The following LAMB1 variants were observed in gnomAD, a reference collection of about 807,000 sequenced individuals.
The protein encoded by LAMB1 is laminin subunit beta 1.
LAMB1 carries 121 observed loss-of-function variants against 222.3 expected under a neutral mutation model. The observed-to-expected ratio is 0.54, with a 90% CI of 0.47 to 0.63. The LOEUF (loss-of-function observed/expected upper bound fraction) is 0.63, where lower values mean the gene tolerates loss of function less well. Ranked by LOEUF, LAMB1 falls within the 30% of genes least tolerant of loss-of-function variation. The pLI is 0.00. For missense variants in LAMB1, 2,172 were observed against 2,240.8 expected, an observed-to-expected ratio of 0.97 and a Z score of 0.62; for synonymous variants, 794 against 807.2, an observed-to-expected ratio of 0.98 and a Z score of 0.28.
At chr7:108,001,821 G>A in intron 2 of LAMB1, 88 bp from the exon 3 acceptor site, 1 of 1,564,746 alleles carries the variant, frequency 6.4e-7, no homozygotes, top group Non-Finnish European at 8.7e-7. Context: ...GGGGGAGTGG[G>A]TGCGGAGAGA....
intron 9 of LAMB1, 98 bp downstream of exon 9, chr7:107,977,949 T>C (rs1420714231): frequency 1.4e-6 from 2 of 1,386,944 alleles, no homozygotes; most frequent in Admixed American, 3.8e-5. Flanking sequence ...GTAACTTTTC[T>C]ACCCTCTGCA....
In LAMB1 at chr7:107,952,093, G is replaced by A; in HGVS notation, c.3210C>T (p.Pro1070=). The A allele has an allele frequency of 6.2e-7, 1 of 1,614,090 alleles. No individual in the cohort carries two copies. Among genetic ancestry groups the A allele is most frequent in the Non-Finnish European group, 8.5e-7 (1 of 1,179,982 alleles). ...TGCCACTGGCCAGCTGCCAGGTATT[G>A]GGCGCACAGCGGTCACAGTTCTGCC... ...VIGQNCDRCA[P]NTWQLASGTG... is the part of the protein sequence containing the mutation. Residue 1070 remains proline, a synonymous_variant, in exon 23 of 34, where the codon CCC becomes CCT. Transcript: ENST00000222399.
In LAMB1 at chr7:108,001,796, C is replaced by A. The variant is rs1345914666; in HGVS notation, c.38-63G>T. On this transcript the variant is annotated intron_variant, in intron 2 of 33. Coordinates refer to ENST00000222399, the MANE Select transcript of LAMB1 (RefSeq NM_002291.3). ...AGCAGGGAGTGGAGCCCGAAAAAAA[C>A]GAACAAGCGGGGGCGGGGGAGTGGG... is the stretch of plus-strand genomic sequence containing the variant. The A allele has an allele frequency of 1.9e-6, 3 of 1,588,568 alleles. No homozygotes were observed. The African/African-American group carries it at 4.0e-5, about 21-fold the overall frequency.
intron 5 of LAMB1, among the ~76,000 whole-genome samples, chr7:107,986,784 A>C (rs1204192080): frequency 6.6e-6 from 1 of 152,230 alleles, no homozygotes; most frequent in Non-Finnish European, 1.5e-5. Context: ...TATATGTTGT[A>C]TATGTTATAC....
intron 17 of LAMB1, 38 bp downstream of exon 17, chr7:107,961,168 G>A: frequency 6.2e-7 from 1 of 1,613,216 alleles, no homozygotes; most frequent in Non-Finnish European, 8.5e-7. Flanking sequence ...TTTCCGCCCA[G>A]GCTTTCCTGC....
intron 5 of LAMB1, among the ~76,000 whole-genome samples, chr7:107,987,130 T>C (rs904708403): frequency 6.6e-6 from 1 of 152,186 alleles, no homozygotes; most frequent in Non-Finnish European, 1.5e-5. Flanking sequence ...TAAAGAGGAA[T>C]GAAATGCCAA....
Position 107,932,223 on chromosome 7 carries a change from T to A in LAMB1, c.4343A>T (p.Asp1448Val). 3 of 1,614,240 alleles carry A rather than the reference T, an allele frequency of 1.9e-6. No homozygotes were observed. Residue 1448 changes from aspartate (D) to valine (V), a missense_variant, in exon 28 of 34, where the codon GAC becomes GTC. Asp to Val is a radical substitution (Grantham distance 152). Transcript: ENST00000222399. Reference sequence around the variant, plus strand: ...AGCCAGGGCACTCAGGACATCTTGGTCCAAGTCCATGGCTTTCTGCCAGGC... The same window carrying A: ...AGCCAGGGCACTCAGGACATCTTGGACCAAGTCCATGGCTTTCTGCCAGGC... ...HNAWQKAMDLDQDVLSALAEV... is the reference protein window; with the variant it reads ...HNAWQKAMDLVQDVLSALAEV...
rs1207253854 is a variant in LAMB1, at chr7:107,961,449, G to A, written c.1985+100C>T. The A allele has an allele frequency of 2.3e-5, 36 of 1,571,998 alleles. 1 individual carries two copies. Among genetic ancestry groups the A allele is most frequent in the South Asian group, 5.8e-5 (5 of 85,868 alleles). On this transcript the variant is annotated intron_variant, in intron 16 of 33. Transcript: ENST00000222399. ...CAAAGGAAAAAAGTCAGCAGTCAAC[G>A]TCTGGCTCTGAAATGGTGACTTGAA...
At chr7:107,942,907 C>T (rs966198636) in intron 24 of LAMB1, among the ~76,000 whole-genome samples, 19 of 152,140 alleles carry the variant, frequency 1.2e-4, no homozygotes, top group African/African-American at 4.1e-4. Flanking sequence ...ATATTAATTC[C>T]TCAACCTTTA....
At chr7:107,988,642 C>A (rs929946804) in intron 5 of LAMB1, among the ~76,000 whole-genome samples, 10 of 152,150 alleles carry the variant, frequency 6.6e-5, no homozygotes, top group African/African-American at 2.4e-4. Flanking sequence ...CTCCATACTT[C>A]AGGTCACTAG....
At chr7:107,996,709 G>A (rs765094250) in intron 4 of LAMB1, among the ~76,000 whole-genome samples, 5 of 152,146 alleles carry the variant, frequency 3.3e-5, no homozygotes, top group Non-Finnish European at 5.9e-5. Context: ...GAGATTCAAA[G>A]TTGTAGAAGT....
chr7:107,928,651 C>T (rs1039629842), intron 31 of LAMB1, among the ~76,000 whole-genome samples: 1 of 152,174 alleles, frequency 6.6e-6, no homozygotes, highest in Non-Finnish European at 1.5e-5. Flanking sequence ...CACCACTATG[C>T]CCAGCTAACT....
In LAMB1 at chr7:107,961,680, G is replaced by A; in HGVS notation, c.1858-4C>T. On this transcript the variant is annotated splice_region_variant and splice_polypyrimidine_tract_variant and intron_variant, in intron 15 of 33. Transcript: ENST00000222399. ...CTTTTTCCCAGTGGTCGGGTAGCTA[G>A]AATAAGAAACAAACAATGAAAAGAT... 6.2e-7 allele frequency: 1 copy of A among 1,612,390 alleles called. No individual in the cohort carries two copies. The highest frequency in any genetic ancestry group is 8.5e-7 in the Non-Finnish European group (1 of 1,178,632).
intron 15 of LAMB1, 82 bp from the exon 16 acceptor site, chr7:107,961,758 G>T (rs570536543): frequency 1.4e-6 from 2 of 1,446,186 alleles, no homozygotes; most frequent in East Asian, 4.8e-5. Context: ...TCAATCAATT[G>T]CCAAGTTGAA....
rs771219099 is a variant in LAMB1, at chr7:108,002,808, C to G, written c.37+41G>C. ...GCTTTTGGGTTTTCCTTCCCCATGC[C>G]CAAGTCCGTCCGCCTCCCCGCACCG... is the stretch of plus-strand genomic sequence containing the variant. On this transcript the variant is annotated intron_variant, in intron 2 of 33. Transcript: ENST00000222399. 8 of 1,613,704 alleles carry G rather than the reference C, an allele frequency of 5.0e-6. No homozygotes were observed. In the East Asian group the frequency reaches 1.8e-4, roughly 36 times the overall value.
chr7:107,945,541 C>T (rs1378312170), intron 24 of LAMB1, among the ~76,000 whole-genome samples: 3 of 152,238 alleles, frequency 2.0e-5, no homozygotes, highest in Non-Finnish European at 4.4e-5. Context: ...TCTGTGTTGT[C>T]CTTTAGCTTG....
Position 108,001,644 on chromosome 7 carries a change from G to A in LAMB1, c.127C>T (p.Leu43Phe), listed in dbSNP as rs979025316. 6.2e-7 allele frequency: 1 copy of A among 1,613,294 alleles called. No individual in the cohort carries two copies. Among genetic ancestry groups the A allele is most frequent in the Non-Finnish European group, 8.5e-7 (1 of 1,179,910 alleles). Reference sequence around the variant, plus strand: ...GAAAGCTTCTGTGCTCGGCCGATGAGAAGGTCGCCCGTGGCGGGATAGCAG... The same window carrying A: ...GAAAGCTTCTGTGCTCGGCCGATGAAAAGGTCGCCCGTGGCGGGATAGCAG... ...GSCYPATGDL[L>F]IGRAQKLSVT... Residue 43 changes from leucine (L) to phenylalanine (F), a missense_variant, in exon 3 of 34, where the codon CTC (leucine) becomes TTC (phenylalanine). By Grantham distance (22) the Leu-to-Phe change is conservative. Coordinates refer to ENST00000222399, the MANE Select transcript of LAMB1 (RefSeq NM_002291.3).
rs1201470016 is a variant in LAMB1, at chr7:107,926,252, G to C, written c.4995C>G (p.Asn1665Lys). The change falls in exon 32 of 34, where the codon AAC (asparagine) becomes AAG (lysine). Residue 1665 changes from asparagine to lysine, a missense_variant. By Grantham distance (94) the Asn-to-Lys change is moderately conservative. Transcript: ENST00000222399. ...VEELKRKAAQ[N>K]SGEAEYIEKV... ...TTTCAATATATTCTGCCTCCCCGGA[G>C]TTTTGGGCAGCTTTCCGCTTAAGTT... 2 of 1,613,858 alleles carry C rather than the reference G, an allele frequency of 1.2e-6. No individual in the cohort carries two copies. Among genetic ancestry groups the C allele is most frequent in the African/African-American group, 2.7e-5 (2 of 74,912 alleles).
chr7:107,980,872 T>C, intron 7 of LAMB1, 61 bp from the exon 8 acceptor site: 1 of 1,012,476 alleles, frequency 9.9e-7, no homozygotes, highest in South Asian at 1.4e-5. Context: ...TTTTTTTTTT[T>C]TCCTTGCATC....
Sources: gnomAD v4.1 joint callset for allele counts (sites outside exome capture counted in the v4.1 genomes callset) on GRCh38, gnomAD v4.1.1 for gene constraint, MANE v1.5 for transcripts, NCBI Gene and HGNC (gene_info 2026-07-23, HGNC 2026-07-21) for gene names.